Variants in DGKB observed in about 807,000 individuals in gnomAD.
The protein encoded by DGKB is 90 kDa diacylglycerol kinase.
Under a neutral mutation model 114.3 loss-of-function variants are expected in DGKB, and 67 were observed. That is an observed-to-expected ratio of 0.59 (90% CI 0.48 to 0.72). The LOEUF is 0.72. DGKB is among the 30% of genes least tolerant of loss of function. DGKB has a pLI of 0.00. For missense variants in DGKB, 907 were observed against 975.2 expected (o/e 0.93, Z 0.93); for synonymous variants, 398 against 323.1 (o/e 1.23, Z -2.49).
intron 20 of DGKB, among the ~76,000 whole-genome samples, chr7:14,500,106 A>G (rs1253446536): frequency 6.6e-6 from 1 of 151,850 alleles, no homozygotes; most frequent in African/African-American, 2.4e-5. Context: ...ATGTTCCCTA[A>G]TTTTATATGC....
At chr7:14,701,772 A>G (rs1226172605) in intron 6 of DGKB, 42 bp from the exon 7 acceptor site, 1 of 1,334,438 alleles carries the variant, frequency 7.5e-7, no homozygotes, top group Non-Finnish European at 1.1e-6. Flanking sequence ...ATAGGCAAAT[A>G]AGATCAATGT....
chr7:14,239,119 A>G (rs1793263594), intron 23 of DGKB, among the ~76,000 whole-genome samples: 1 of 151,878 alleles, frequency 6.6e-6, no homozygotes, highest in Admixed American at 6.6e-5. Context: ...TTACTTGTCT[A>G]TTATTCATCT....
intron 9 of DGKB, among the ~76,000 whole-genome samples, chr7:14,689,342 A>AT (rs1585675632): frequency 6.6e-6 from 1 of 151,298 alleles, no homozygotes; most frequent in Non-Finnish European, 1.5e-5. Context: ...CGCCCGGCTA[A>AT]TTTTTTGTAT....
chr7:14,308,011 T>G (rs1247211180), intron 23 of DGKB, among the ~76,000 whole-genome samples: 2 of 152,044 alleles, frequency 1.3e-5, no homozygotes, highest in Non-Finnish European at 2.9e-5. Flanking sequence ...TTTCCTGATT[T>G]TAAAAGTAAT....
rs1224351639 is a variant in DGKB, at chr7:14,149,093, T to G, written c.*38A>C. The G allele has an allele frequency of 6.5e-7, 1 of 1,549,974 alleles. No homozygotes were observed. The highest frequency in any genetic ancestry group is 2.2e-5 in the East Asian group (1 of 44,546). On this transcript the variant is annotated 3_prime_UTR_variant, in exon 26 of 26. Coordinates refer to ENST00000402815, the MANE Select transcript of DGKB (RefSeq NM_001350709.2). ...CAGCATATGTGTTCCATGGCCCAAT[T>G]ATGCTAATTCAATTTCTAAGAGTGA...
intron 1 of DGKB, among the ~76,000 whole-genome samples, chr7:14,852,695 G>A (rs551743161): frequency 2.6e-5 from 4 of 151,972 alleles, no homozygotes; most frequent in Admixed American, 1.3e-4. Context: ...TTCCTTCCCC[G>A]CCAGGATAGA....
rs913591036 is a variant in DGKB, at chr7:14,148,009, A to T, written c.*1122T>A. 4 of 152,118 alleles carry T rather than the reference A, an allele frequency of 2.6e-5. No homozygotes were observed. The highest frequency in any genetic ancestry group is 4.8e-5 in the African/African-American group (2 of 41,450). The allele number at this position is 152,118 out of a possible 1,614,324, so 9.4% of individuals were successfully genotyped here. ...GAGCTCAGTATTATTACAGGTACCC[A>T]TTTATACTAGAAATAAACTGATACA... On this transcript the variant is annotated 3_prime_UTR_variant, in exon 26 of 26. Transcript: ENST00000402815.
chr7:14,841,917 AT>A (rs1847986077), intron 1 of DGKB, among the ~76,000 whole-genome samples: 1 of 152,204 alleles, frequency 6.6e-6, no homozygotes, highest in South Asian at 2.1e-4. Context: ...TAGTTTTATG[AT>A]TTAAAAAAAT....
intron 2 of DGKB, among the ~76,000 whole-genome samples, chr7:14,766,347 G>A (rs1245591002): frequency 6.6e-6 from 1 of 151,898 alleles, no homozygotes; most frequent in Non-Finnish European, 1.5e-5. Flanking sequence ...TGTTAGTGGT[G>A]GAGTAGGAAA....
intron 17 of DGKB, among the ~76,000 whole-genome samples, chr7:14,588,387 A>T (rs1801131936): frequency 6.6e-6 from 1 of 152,120 alleles, no homozygotes; most frequent in South Asian, 2.1e-4. Context: ...TTTGATAAGT[A>T]GTCAGTACCT....
At chr7:14,549,861 G>C (rs966755322) in intron 20 of DGKB, among the ~76,000 whole-genome samples, 10 of 152,020 alleles carry the variant, frequency 6.6e-5, no homozygotes, top group African/African-American at 2.4e-4. Context: ...GGTGGCGTGT[G>C]CCTGTAGTCC....
intron 23 of DGKB, among the ~76,000 whole-genome samples, chr7:14,190,536 A>G (rs1439711802): frequency 6.6e-6 from 1 of 150,422 alleles, no homozygotes; most frequent in Non-Finnish European, 1.5e-5. Context: ...GGAAGGAAAT[A>G]ATAAAACTCA....
At chr7:14,727,345 T>A (rs1356777453) in intron 5 of DGKB, among the ~76,000 whole-genome samples, 1 of 152,184 alleles carries the variant, frequency 6.6e-6, no homozygotes, top group Admixed American at 6.5e-5. Flanking sequence ...CATCCCTTAC[T>A]GGCAGTAATT....
At chr7:14,748,712 G>T (rs1833714429) in intron 4 of DGKB, among the ~76,000 whole-genome samples, 1 of 152,152 alleles carries the variant, frequency 6.6e-6, no homozygotes, top group African/African-American at 2.4e-5. Flanking sequence ...TCCATGATCT[G>T]ACTCATATTT....
intron 20 of DGKB, among the ~76,000 whole-genome samples, chr7:14,536,651 T>C (rs1792547881): frequency 6.6e-6 from 1 of 152,158 alleles, no homozygotes; most frequent in African/African-American, 2.4e-5. Context: ...ATTAGTTATA[T>C]ATTAGATATA....
At chr7:14,447,483 T>A (rs946555386) in intron 21 of DGKB, among the ~76,000 whole-genome samples, 1 of 152,150 alleles carries the variant, frequency 6.6e-6, no homozygotes, top group Non-Finnish European at 1.5e-5. Context: ...TATGCAGAGT[T>A]ACTTATGTAT....
rs555453412 is a variant in DGKB at position 14,211,422 on chromosome 7, T to C, written c.2123-33271A>G. 4.3e-4 allele frequency among the ~76,000 whole-genome samples: 33 copies of C among 77,644 alleles called. 6 individuals carry two copies. Among genetic ancestry groups the C allele is most frequent in the Admixed American group, 5.6e-4 (4 of 7,112 alleles). The allele number at this position is 77,644 out of a possible 152,430, so 50.9% of individuals were successfully genotyped here. ...TTGTGATATTTACTCTCATGTTTTG[T>C]GATTTTACTCTCGTGTTTTGTGATA... On this transcript the variant is annotated intron_variant, in intron 23 of 25. Transcript: ENST00000402815.
chr7:14,524,372 G>T (rs1247806350), intron 20 of DGKB, among the ~76,000 whole-genome samples: 1 of 152,146 alleles, frequency 6.6e-6, no homozygotes, highest in Non-Finnish European at 1.5e-5. Flanking sequence ...ATACTTGCCA[G>T]GCTACTGAAC....
chr7:14,745,928 T>G (rs1374141156), intron 4 of DGKB, among the ~76,000 whole-genome samples: 1 of 152,224 alleles, frequency 6.6e-6, no homozygotes, highest in Non-Finnish European at 1.5e-5. Context: ...TCTTCTTTTT[T>G]CAGCATGCAG....
Sources: gnomAD v4.1 joint callset for allele counts (sites outside exome capture counted in the v4.1 genomes callset) on GRCh38, gnomAD v4.1.1 for gene constraint, MANE v1.5 for transcripts, NCBI Gene and HGNC (gene_info 2026-07-23, HGNC 2026-07-21) for gene names.